SMIM36: variants seen among roughly 807,000 people sequenced by gnomAD.
The protein encoded by SMIM36 is small integral membrane protein 36.
chr17:55,492,251 T>A (rs1909721969), intron 1 of SMIM36, among the ~76,000 whole-genome samples: 1 of 144,940 alleles, frequency 6.9e-6, no homozygotes, highest in Non-Finnish European at 1.5e-5. Flanking sequence ...TCTTTTTTTT[T>A]TTTTTTTTTT....
intron 1 of SMIM36, among the ~76,000 whole-genome samples, chr17:55,487,873 T>C (rs1479189210): frequency 6.6e-6 from 1 of 152,132 alleles, no homozygotes; most frequent in Non-Finnish European, 1.5e-5. Flanking sequence ...CCGACAGCCT[T>C]TGCTGTTTCG....
chr17:55,482,000 CA>C (rs1909528938), intron 1 of SMIM36, among the ~76,000 whole-genome samples: 1 of 152,106 alleles, frequency 6.6e-6, no homozygotes, highest in African/African-American at 2.4e-5. Context: ...TCCAGCCAAG[CA>C]TCATGATTTT....
At chr17:55,499,897 GAC>G (rs1452526930) in intron 1 of SMIM36, among the ~76,000 whole-genome samples, 3 of 150,328 alleles carry the variant, frequency 2.0e-5, no homozygotes, top group African/African-American at 4.9e-5. Context: ...TTAAAAATAA[GAC>G]ACAATTAATG....
chr17:55,480,970 T>A (rs188940968), intron 1 of SMIM36, among the ~76,000 whole-genome samples: 1 of 152,294 alleles, frequency 6.6e-6, no homozygotes, highest in African/African-American at 2.4e-5. Context: ...TGTCTTACAG[T>A]CATAGTAAAA....
intron 3 of SMIM36, among the ~76,000 whole-genome samples, chr17:55,475,976 A>T (rs948908907): frequency 6.6e-6 from 1 of 152,100 alleles, no homozygotes; most frequent in East Asian, 1.9e-4. Flanking sequence ...GCCCTGAGAA[A>T]CATCACCCAT....
At chr17:55,460,899 C>T (rs2143239729) in intron 4 of SMIM36, among the ~76,000 whole-genome samples, 1 of 152,150 alleles carries the variant, frequency 6.6e-6, no homozygotes, top group South Asian at 2.1e-4. Context: ...CATGAATTAG[C>T]ACTATGTAGG....
chr17:55,521,804 C>T, the SMIM36 span, among the ~76,000 whole-genome samples: 7 of 150,772 alleles, frequency 4.6e-5, no homozygotes, highest in Admixed American at 1.3e-4. Flanking sequence ...GGGGGCTCTA[C>T]ATTTAAAATA....
intron 1 of SMIM36, among the ~76,000 whole-genome samples, chr17:55,505,149 A>G (rs1910059883): frequency 1.1e-5 from 1 of 90,570 alleles, no homozygotes; most frequent in Non-Finnish European, 2.1e-5. Context: ...CCAGAGGTAC[A>G]AGGAGGAACT....
At position 55,458,679 on chromosome 17, in the gene SMIM36, G is replaced by A. The variant is rs568770917; in HGVS notation, c.*532-8381C>T. ...TGGTCGTTGAGAAGAGCTCGCAGAAGAGCATGCCTCCTCTGCGGCCGAAGA... is the reference window on the plus strand; with the variant it reads ...TGGTCGTTGAGAAGAGCTCGCAGAAAAGCATGCCTCCTCTGCGGCCGAAGA... On this transcript the variant is annotated intron_variant, in intron 4 of 4. Transcript: ENST00000636752. Among the ~76,000 whole-genome samples the A allele has an allele frequency of 3.4e-4, 51 of 151,648 alleles. 1 individual carries two copies. The South Asian group carries it at 8.1e-3, about 24-fold the overall frequency.
chr17:55,483,894 C>T (rs187323799), intron 1 of SMIM36, among the ~76,000 whole-genome samples: 301 of 152,260 alleles, frequency 2.0e-3, no homozygotes, highest in Middle Eastern at 3.4e-3. Flanking sequence ...TCCCAAAGTG[C>T]TGGAATTACA....
chr17:55,457,245 C>A (rs951354927), intron 4 of SMIM36, among the ~76,000 whole-genome samples: 16 of 151,840 alleles, frequency 1.1e-4, no homozygotes, highest in African/African-American at 3.9e-4. Context: ...GTCAGGAGAC[C>A]AAGACCATCC....
chr17:55,469,130 C>T (rs1909296278), intron 3 of SMIM36, among the ~76,000 whole-genome samples: 2 of 152,134 alleles, frequency 1.3e-5, no homozygotes, highest in Admixed American at 1.3e-4. Context: ...CCTCTCCCCT[C>T]CTCCCCAGGC....
intron 3 of SMIM36, among the ~76,000 whole-genome samples, chr17:55,471,126 C>A: frequency 6.6e-6 from 1 of 152,126 alleles, no homozygotes; most frequent in East Asian, 1.9e-4. Flanking sequence ...CATCTCTCCT[C>A]CCAGCCTCTT....
the SMIM36 span, among the ~76,000 whole-genome samples, chr17:55,522,058 C>T: frequency 6.6e-6 from 1 of 152,170 alleles, no homozygotes; most frequent in Admixed American, 6.5e-5. Flanking sequence ...CATCAAAAGC[C>T]AGCATTCTTA....
upstream of SMIM36, among the ~76,000 whole-genome samples, chr17:55,515,128 T>A (rs1014099797): frequency 7.5e-6 from 1 of 134,184 alleles, no homozygotes; most frequent in East Asian, 2.3e-4. Context: ...CTGGAACTAT[T>A]GACTAGATAG....
chr17:55,505,837 A>G (rs2144721523), intron 1 of SMIM36, among the ~76,000 whole-genome samples: 1 of 118,094 alleles, frequency 8.5e-6, no homozygotes, highest in East Asian at 2.5e-4. Context: ...CCATTGTCTC[A>G]GCCCCAAATC....
intron 1 of SMIM36, among the ~76,000 whole-genome samples, chr17:55,500,037 C>A (rs1372561280): frequency 6.6e-6 from 1 of 151,410 alleles, no homozygotes; most frequent in African/African-American, 2.4e-5. Context: ...TTGTTCTCCT[C>A]TTTTTTTTCT....
At chr17:55,476,637 G>A (rs1462693274) in intron 3 of SMIM36, among the ~76,000 whole-genome samples, 4 of 151,824 alleles carry the variant, frequency 2.6e-5, no homozygotes, top group Non-Finnish European at 5.9e-5. Context: ...GCATGAAATC[G>A]GCTCACTGCA....
At chr17:55,509,620 T>C (rs979155435) in intron 1 of SMIM36, among the ~76,000 whole-genome samples, 14 of 152,178 alleles carry the variant, frequency 9.2e-5, no homozygotes, top group African/African-American at 3.1e-4. Context: ...CTTCCTTCTG[T>C]TGGGCGGCAA....
Sources: allele counts gnomAD v4.1 joint callset (sites outside exome capture counted in the v4.1 genomes callset), GRCh38; gene constraint gnomAD v4.1.1; transcripts MANE v1.5; gene names NCBI Gene and HGNC (gene_info 2026-07-23, HGNC 2026-07-21).